AK7: variants seen among roughly 807,000 people sequenced by gnomAD.
AK7 encodes the protein adenylate kinase 7, also known as ATP-AMP transphosphorylase 7.
In AK7, 78 loss-of-function variants were observed where a neutral mutation model predicts 96.6. The observed-to-expected ratio is 0.81, with a 90% CI of 0.67 to 0.97. The LOEUF is 0.97. Ranked by LOEUF, AK7 falls within the 50% of genes least tolerant of loss-of-function variation. The probability of loss-of-function intolerance (pLI) is 0.00; values close to 1 mark genes in which losing one functional copy is unlikely to be tolerated. For synonymous variants in AK7, 302 were observed against 317.2 expected (o/e 0.95, Z 0.51); for missense variants, 855 against 887.9 (o/e 0.96, Z 0.47).
intron 5 of AK7, among the ~76,000 whole-genome samples, chr14:96,423,018 C>T (rs1227276712): frequency 6.6e-6 from 1 of 152,204 alleles, no homozygotes; most frequent in African/African-American, 2.4e-5. Flanking sequence ...TTCTTACCCC[C>T]ATGAAGAGCA....
At chr14:96,407,579 T>C (rs1453606444) in intron 3 of AK7, among the ~76,000 whole-genome samples, 9 of 123,508 alleles carry the variant, frequency 7.3e-5, no homozygotes, top group Non-Finnish European at 1.0e-4. Flanking sequence ...TTCTTTCTTT[T>C]CTTTTTTTTT....
chr14:96,407,585 T>C (rs534783378), intron 3 of AK7, among the ~76,000 whole-genome samples: 33 of 145,770 alleles, frequency 2.3e-4, no homozygotes, highest in East Asian at 6.0e-4. Context: ...CTTTTCTTTT[T>C]TTTTTTTTTT....
At chr14:96,392,292 C>A in intron 1 of AK7, 33 bp downstream of exon 1, 6 of 1,558,358 alleles carry the variant, frequency 3.9e-6, no homozygotes, top group Non-Finnish European at 5.3e-6. Context: ...AGCCTCACGC[C>A]AGCTCTCAGC....
intron 4 of AK7, among the ~76,000 whole-genome samples, chr14:96,409,425 A>AGC (rs1890910400): frequency 6.6e-6 from 1 of 152,104 alleles, no homozygotes; most frequent in African/African-American, 2.4e-5. Context: ...TACAAAAATT[A>AGC]CCTGGGCGTG....
intron 7 of AK7, 72 bp downstream of exon 7, chr14:96,442,890 G>A (rs1893035548): frequency 7.1e-7 from 1 of 1,400,194 alleles, no homozygotes; most frequent in Non-Finnish European, 1.0e-6. Context: ...AATACTTTTT[G>A]AGCATTTGCC....
chr14:96,473,652 C>G (rs532201089), intron 14 of AK7, among the ~76,000 whole-genome samples: 1 of 152,056 alleles, frequency 6.6e-6, no homozygotes, highest in East Asian at 1.9e-4. Context: ...AATGCACCAA[C>G]GGATAAACAT....
intron 3 of AK7, among the ~76,000 whole-genome samples, chr14:96,407,878 C>G (rs536570073): frequency 1.3e-5 from 2 of 152,020 alleles, no homozygotes; most frequent in Non-Finnish European, 2.9e-5. Flanking sequence ...CACGCCCGGC[C>G]GATATGTTTC....
chr14:96,407,682 C>T (rs1890799064), intron 3 of AK7, among the ~76,000 whole-genome samples: 1 of 150,314 alleles, frequency 6.7e-6, no homozygotes, highest in East Asian at 2.0e-4. Context: ...CCCGGGTACA[C>T]GCCATTCTCC....
chr14:96,472,677 GT>G lies in AK7; in HGVS notation c.1487-6del. The G allele has an allele frequency of 3.1e-6, 5 of 1,609,806 alleles. No individual in the cohort carries two copies. Among genetic ancestry groups the G allele is most frequent in the Non-Finnish European group, 4.3e-6 (5 of 1,176,422 alleles). On this transcript the variant is annotated splice_polypyrimidine_tract_variant and intron_variant, in intron 13 of 17. Transcript: ENST00000267584. The stretch of plus-strand genomic sequence containing the variant: ...TAATAAACACAATGAGGAATATTTT[GT>G]TTTCTTAGAGGAAGATGAGGAGGAG...
chr14:96,449,590 C>T (rs1180772362), intron 8 of AK7, among the ~76,000 whole-genome samples: 3 of 152,174 alleles, frequency 2.0e-5, no homozygotes, highest in South Asian at 2.1e-4. Flanking sequence ...CACGCCACCA[C>T]GCCTGGCTAA....
At chr14:96,447,521 C>T (rs994771026) in intron 8 of AK7, among the ~76,000 whole-genome samples, 1 of 152,022 alleles carries the variant, frequency 6.6e-6, no homozygotes, top group African/African-American at 2.4e-5. Flanking sequence ...TGAGGTCTCA[C>T]CATGTCACCA....
At chr14:96,396,057 G>A (rs1468314008) in intron 1 of AK7, among the ~76,000 whole-genome samples, 1 of 151,936 alleles carries the variant, frequency 6.6e-6, no homozygotes, top group African/African-American at 2.4e-5. Flanking sequence ...TGATCTGCCT[G>A]CCTTGGCCTC....
intron 6 of AK7, among the ~76,000 whole-genome samples, chr14:96,438,605 T>G (rs1309842042): frequency 6.6e-6 from 1 of 152,060 alleles, no homozygotes; most frequent in African/African-American, 2.4e-5. Context: ...GGTAATGAGG[T>G]CAAAGCGGTA....
At chr14:96,478,424 C>T (rs757258462) in intron 14 of AK7, 41 bp from the exon 15 acceptor site, 31 of 1,602,664 alleles carry the variant, frequency 1.9e-5, no homozygotes, top group African/African-American at 6.7e-5. Flanking sequence ...TAGTTAGCTG[C>T]GCTGTATTGT....
chr14:96,420,860 A>C lies in AK7; in HGVS notation c.537A>C (p.Arg179=). 1.2e-6 allele frequency: 2 copies of C among 1,613,818 alleles called. No individual in the cohort carries two copies. Among genetic ancestry groups the C allele is most frequent in the Non-Finnish European group, 1.7e-6 (2 of 1,179,754 alleles). The stretch of plus-strand genomic sequence containing the variant: ...TTCCATTCACTGAAGAAGATTATCG[A>C]AGAAGAAAGTCTCATCCTAATTTTC... ...SEVPFTEEDY[R]RRKSHPNFLD... Residue 179 remains arginine, a synonymous_variant, in exon 5 of 18, where the codon CGA becomes CGC. Transcript: ENST00000267584.
chr14:96,403,154 A>ATAAATAAC (rs1480689491), intron 2 of AK7, among the ~76,000 whole-genome samples: 1 of 150,612 alleles, frequency 6.6e-6, no homozygotes, highest in Non-Finnish European at 1.5e-5. Context: ...AAATAAATAA[A>ATAAATAAC]TGGAGGTCAT....
rs1893481378 is a variant in AK7, at chr14:96,449,847, A to G, written c.916A>G (p.Arg306Gly). The G allele has an allele frequency of 6.2e-7, 1 of 1,611,378 alleles. No individual in the cohort carries two copies. The highest frequency in any genetic ancestry group is 1.1e-5 in the South Asian group (1 of 90,828). ...TGPGKIQKIP[R>G]ENAYLTKDLT... Reference sequence around the variant, plus strand: ...CCCTGGGAAAATCCAGAAAATACCCAGAGAAAATGCATACCTAACCAAGGA... The same window carrying G: ...CCCTGGGAAAATCCAGAAAATACCCGGAGAAAATGCATACCTAACCAAGGA... Residue 306 changes from arginine (R) to glycine (G), a missense_variant, in exon 9 of 18, where the codon AGA becomes GGA. By Grantham distance (125) the Arg-to-Gly change is moderately radical. Transcript: ENST00000267584.
intron 4 of AK7, among the ~76,000 whole-genome samples, chr14:96,413,004 A>G (rs753850388): frequency 6.6e-6 from 1 of 152,238 alleles, no homozygotes; most frequent in African/African-American, 2.4e-5. Context: ...ATGTCCCAAC[A>G]GCAGCCCTTC....
chr14:96,473,803 G>A (rs897252978), intron 14 of AK7, among the ~76,000 whole-genome samples: 10 of 152,112 alleles, frequency 6.6e-5, no homozygotes, highest in Non-Finnish European at 1.0e-4. Flanking sequence ...TCCCTGCCCT[G>A]GTTTTGGTGC....
Sources: allele counts gnomAD v4.1 joint callset (sites outside exome capture counted in the v4.1 genomes callset), GRCh38; gene constraint gnomAD v4.1.1; transcripts MANE v1.5; gene names NCBI Gene and HGNC (gene_info 2026-07-23, HGNC 2026-07-21).